The following OSBPL10 variants were observed in gnomAD, a reference collection of about 807,000 sequenced individuals.
OSBPL10 encodes oxysterol binding protein like 10, also known as oxysterol-binding protein-related protein 10.
OSBPL10 carries 49 observed loss-of-function variants against 81.7 expected under a neutral mutation model. The ratio of observed to expected loss-of-function variants is 0.60; its 90% CI spans 0.48 to 0.76. The LOEUF (loss-of-function observed/expected upper bound fraction) is 0.76. Among genes scored for constraint, OSBPL10 ranks in the 30% least tolerant of loss-of-function variants. The probability of loss-of-function intolerance (pLI) is 0.00; values close to 1 mark genes in which losing one functional copy is unlikely to be tolerated. For synonymous variants in OSBPL10, 419 were observed against 383.6 expected, an observed-to-expected ratio of 1.09 and a Z score of -1.08; for missense variants, 923 against 987.8, an observed-to-expected ratio of 0.93 and a Z score of 0.88.
At position 31,776,267 on chromosome 3, in the gene OSBPL10, G is replaced by A. The variant is rs112490984; in HGVS notation, c.730-28147C>T. On this transcript the variant is annotated intron_variant, in intron 4 of 11. Coordinates refer to ENST00000396556, the MANE Select transcript of OSBPL10 (RefSeq NM_017784.5). The stretch of plus-strand genomic sequence containing the variant: ...GATGTGCAAATCAAAACCAGGTACC[G>A]TTTCACAACCACTAGGATGGCTGTC... Among the ~76,000 whole-genome samples, 684 of 152,170 alleles carry A rather than the reference G, an allele frequency of 4.5e-3. 4 individuals carry two copies. The highest frequency in any genetic ancestry group is 0.015 in the African/African-American group (633 of 41,506).
chr3:31,948,924 C>T (rs892450925), intron 1 of OSBPL10, among the ~76,000 whole-genome samples: 1 of 151,998 alleles, frequency 6.6e-6, no homozygotes, highest in Non-Finnish European at 1.5e-5. Context: ...TCCAGAGTAG[C>T]GAAATTAACT....
At chr3:32,056,251 C>T (rs1432629105) in intron 1 of OSBPL10, among the ~76,000 whole-genome samples, 1 of 152,102 alleles carries the variant, frequency 6.6e-6, no homozygotes, top group Non-Finnish European at 1.5e-5. Flanking sequence ...TTTCTGTGAA[C>T]CAACTAGTGA....
chr3:32,068,663 A>T (rs1284812913), intron 1 of OSBPL10, among the ~76,000 whole-genome samples: 1 of 152,024 alleles, frequency 6.6e-6, no homozygotes, highest in Non-Finnish European at 1.5e-5. Context: ...ATCCTACGAG[A>T]CCTAGATCAT....
intron 4 of OSBPL10, among the ~76,000 whole-genome samples, chr3:31,749,902 C>T (rs187880982): frequency 2.8e-4 from 43 of 151,598 alleles, no homozygotes; most frequent in African/African-American, 7.3e-4. Context: ...ACCTCCAGGC[C>T]GGGCATGGTG....
intron 4 of OSBPL10, chr3:31,797,778 T>A: frequency 2.2e-6 from 1 of 456,442 alleles, no homozygotes; most frequent in Non-Finnish European, 4.4e-6. Flanking sequence ...TGGGTTTGAG[T>A]CTTGACGATG....
chr3:31,904,381 A>G (rs1575607999), intron 1 of OSBPL10, among the ~76,000 whole-genome samples: 6 of 152,262 alleles, frequency 3.9e-5, no homozygotes, highest in Admixed American at 3.9e-4. Context: ...AGCCAAAATG[A>G]TATCTGGGCA....
Position 31,699,241 on chromosome 3 carries a change from G to A in OSBPL10, c.1245+3118C>T, listed in dbSNP as rs150823015. Among the ~76,000 whole-genome samples, 463 of 152,288 alleles carry A rather than the reference G, an allele frequency of 3.0e-3. 3 individuals are homozygous for A. Among genetic ancestry groups the A allele is most frequent in the African/African-American group, 0.01 (430 of 41,560 alleles). ...TTACTCATTTGCTCAAACTTTCCAA[G>A]GCTTCCCATAGCCCTCAGGATCAAG... On this transcript the variant is annotated intron_variant, in intron 7 of 11. Coordinates refer to ENST00000396556, the MANE Select transcript of OSBPL10 (RefSeq NM_017784.5).
chr3:31,707,262 A>T lies in OSBPL10; in HGVS notation c.1096-4754T>A, dbSNP rs1479476973. 3 of 152,222 alleles carry T rather than the reference A, an allele frequency of 2.0e-5. No homozygotes were observed. The East Asian group carries it at 5.8e-4, about 29-fold the overall frequency. 9.4% of individuals were successfully genotyped at this position (152,222 alleles called of 1,614,324 possible). On this transcript the variant is annotated intron_variant, in intron 6 of 11. Transcript: ENST00000396556. ...AGAGGGTCTACTCTAGCACGGATTAAGACGACCTCCTAAAGCCATCTTATG... is the reference window on the plus strand; with the variant it reads ...AGAGGGTCTACTCTAGCACGGATTATGACGACCTCCTAAAGCCATCTTATG...
chr3:31,917,433 GGTA>G (rs56924344), intron 1 of OSBPL10, among the ~76,000 whole-genome samples: 27,882 of 151,544 alleles, frequency 0.18, 3,123 homozygotes, highest in East Asian at 0.36. Context: ...TTACATGATG[GGTA>G]GTTTAGCACA....
upstream of OSBPL10, among the ~76,000 whole-genome samples, chr3:31,983,170 G>C (rs1366189349): frequency 2.0e-5 from 3 of 152,164 alleles, no homozygotes; most frequent in Non-Finnish European, 2.9e-5. Context: ...GCATAGCTTT[G>C]CCTAAGCTAA....
At chr3:31,840,206 A>G (rs899253785) in intron 3 of OSBPL10, among the ~76,000 whole-genome samples, 3 of 152,276 alleles carry the variant, frequency 2.0e-5, no homozygotes, top group Admixed American at 6.5e-5. Context: ...CTCCTATTTT[A>G]TATTTAAACA....
chr3:31,706,040 G>A (rs564673776), intron 6 of OSBPL10, among the ~76,000 whole-genome samples: 2 of 152,202 alleles, frequency 1.3e-5, no homozygotes, highest in Admixed American at 1.3e-4. Context: ...AGCAGGCTTT[G>A]GAAAAATGAG....
chr3:31,947,231 G>C (rs1330491550), intron 1 of OSBPL10, among the ~76,000 whole-genome samples: 1 of 152,148 alleles, frequency 6.6e-6, no homozygotes, highest in Non-Finnish European at 1.5e-5. Context: ...GGGAGACATA[G>C]AGACCAGGAT....
intron 1 of OSBPL10, among the ~76,000 whole-genome samples, chr3:31,893,263 AAAG>A (rs1454977511): frequency 1.3e-5 from 2 of 152,232 alleles, no homozygotes; most frequent in Non-Finnish European, 2.9e-5. Context: ...TCATTTCACC[AAAG>A]AAGACATTTC....
chr3:32,025,360 A>G (rs964563547), intron 2 of OSBPL10, among the ~76,000 whole-genome samples: 2 of 152,178 alleles, frequency 1.3e-5, no homozygotes, highest in Non-Finnish European at 2.9e-5. Context: ...TTGGGATATT[A>G]TTGGTCATGG....
intron 4 of OSBPL10, among the ~76,000 whole-genome samples, chr3:31,766,053 C>A (rs780029237): frequency 1.3e-5 from 2 of 152,196 alleles, no homozygotes; most frequent in Non-Finnish European, 2.9e-5. Context: ...CCTCTTCTTG[C>A]TCAACTCAAC....
At chr3:32,030,738 TTAC>T in intron 2 of OSBPL10, 1 of 668,586 alleles carries the variant, frequency 1.5e-6, no homozygotes, top group Non-Finnish European at 2.7e-6. Flanking sequence ...AAATAAAAAA[TTAC>T]TAAGCAAAAC....
At chr3:31,933,655 C>T (rs1697308826) in intron 1 of OSBPL10, among the ~76,000 whole-genome samples, 2 of 152,204 alleles carry the variant, frequency 1.3e-5, no homozygotes, top group South Asian at 2.1e-4. Context: ...AGCAATCTTC[C>T]CACCTCAGCC....
At chr3:31,781,034 C>G (rs1698683271) in intron 4 of OSBPL10, among the ~76,000 whole-genome samples, 1 of 152,040 alleles carries the variant, frequency 6.6e-6, no homozygotes, top group Non-Finnish European at 1.5e-5. Context: ...AGACCAATAT[C>G]CTTGATGAAC....
Sources: gnomAD v4.1 joint callset for allele counts (sites outside exome capture counted in the v4.1 genomes callset) on GRCh38, gnomAD v4.1.1 for gene constraint, MANE v1.5 for transcripts, NCBI Gene and HGNC (gene_info 2026-07-23, HGNC 2026-07-21) for gene names.